MTMR6: variants seen among roughly 807,000 people sequenced by gnomAD.
MTMR6 encodes phosphatidylinositol-3,5-bisphosphate 3-phosphatase MTMR6.
Under a neutral mutation model 80.1 loss-of-function variants are expected in MTMR6, and 47 were observed. The ratio of observed to expected loss-of-function variants is 0.59; its 90% CI spans 0.46 to 0.75. MTMR6 has a LOEUF of 0.75. Among genes scored for constraint, MTMR6 ranks in the 30% least tolerant of loss-of-function variants. The pLI is 0.00. For missense variants in MTMR6, 629 were observed against 730.9 expected, an observed-to-expected ratio of 0.86 and a Z score of 1.61; for synonymous variants, 254 against 253.0, an observed-to-expected ratio of 1.00 and a Z score of -0.04.
In MTMR6 at chr13:25,249,241, C is replaced by T; in HGVS notation, c.1857G>A (p.Met619Ile). Residue 619 changes from methionine (M) to isoleucine (I), a missense_variant, in exon 14 of 14, where the codon ATG becomes ATA. Coordinates refer to ENST00000381801, the MANE Select transcript of MTMR6 (RefSeq NM_004685.5). ...AAAAAACTCTATGAGTCTAACAAGT[C>T]ATTCTTGCCACACCATACTCTAAGC... ...VVSLEYGVAR[M>I]TC 6.2e-7 allele frequency: 1 copy of T among 1,612,658 alleles called. No individual in the cohort carries two copies. The highest frequency in any genetic ancestry group is 8.5e-7 in the Non-Finnish European group (1 of 1,178,950).
At chr13:25,282,902 G>A (rs572293451) in intron 1 of MTMR6, among the ~76,000 whole-genome samples, 8 of 151,902 alleles carry the variant, frequency 5.3e-5, no homozygotes, top group South Asian at 4.2e-4. Context: ...CACCATGCCC[G>A]GCCTGCTTGT....
In MTMR6 at chr13:25,267,807, G is replaced by A; in HGVS notation, c.276C>T (p.Tyr92=). ...VPRERDCHDI[Y]NSLLQLSKQA... is the part of the protein sequence containing the mutation. Reference sequence around the variant, plus strand: ...GTTTTGACAGTTGTAGCAAAGAGTTGTAAATATCATGGCAATCTCTTTCTC... The same window carrying A: ...GTTTTGACAGTTGTAGCAAAGAGTTATAAATATCATGGCAATCTCTTTCTC... Residue 92 remains tyrosine, a synonymous_variant, in exon 3 of 14, where the codon TAC becomes TAT. Coordinates refer to ENST00000381801, the MANE Select transcript of MTMR6 (RefSeq NM_004685.5). 1 of 1,613,800 alleles carries A rather than the reference G, an allele frequency of 6.2e-7. No homozygotes were observed. The highest frequency in any genetic ancestry group is 8.5e-7 in the Non-Finnish European group (1 of 1,179,842).
chr13:25,287,110 G>A (rs142227597), intron 1 of MTMR6, 114 bp downstream of exon 1: 352 of 1,458,280 alleles, frequency 2.4e-4, no homozygotes, highest in Non-Finnish European at 3.1e-4. Context: ...CCCGGGCCGG[G>A]TCTCCGCCGG....
At chr13:25,260,681 T>A (rs918935938) in intron 6 of MTMR6, 2 of 1,264,096 alleles carry the variant, frequency 1.6e-6, no homozygotes, top group African/African-American at 1.6e-5. Flanking sequence ...CAGCTCTGCA[T>A]GCGACGCTAT....
chr13:25,269,802 T>A (rs1957532113), intron 2 of MTMR6, among the ~76,000 whole-genome samples: 1 of 152,026 alleles, frequency 6.6e-6, no homozygotes. Flanking sequence ...TAAAACTACA[T>A]AGAGAACAAA....
At chr13:25,277,503 G>GGT (rs950109182) in intron 1 of MTMR6, among the ~76,000 whole-genome samples, 11 of 152,110 alleles carry the variant, frequency 7.2e-5, no homozygotes, top group African/African-American at 2.7e-4. Context: ...AAAACCAGAA[G>GGT]GTGTGCCCAA....
chr13:25,257,062 T>C, intron 9 of MTMR6, 134 bp downstream of exon 9: 1 of 988,938 alleles, frequency 1.0e-6, no homozygotes, highest in Non-Finnish European at 1.5e-6. Context: ...GCAATATCCC[T>C]GGCCACTCCC....
chr13:25,270,361 A>G (rs1331164724), intron 2 of MTMR6, among the ~76,000 whole-genome samples: 1 of 152,210 alleles, frequency 6.6e-6, no homozygotes, highest in African/African-American at 2.4e-5. Flanking sequence ...AGTATATTAA[A>G]CAAACTTCAT....
Position 25,249,485 on chromosome 13 carries a change from T to C in MTMR6, c.1613A>G (p.Lys538Arg), listed in dbSNP as rs776283308. 1.9e-6 allele frequency: 3 copies of C among 1,610,956 alleles called. No individual in the cohort carries two copies. The highest frequency in any genetic ancestry group is 1.7e-6 in the Non-Finnish European group (2 of 1,177,632). The change falls in exon 14 of 14, where the codon AAA (lysine) becomes AGA (arginine). Residue 538 changes from lysine to arginine, a missense_variant. Lys to Arg is a conservative substitution (Grantham distance 26). Transcript: ENST00000381801. ...KDIKDLESKIKQRKNKQTDGI... is the reference protein window; with the variant it reads ...KDIKDLESKIRQRKNKQTDGI... ...ATCTGTTTGCTTATTTTTGCGTTGT[T>C]TAATTTTCTAGAACAAACACAAATT...
At chr13:25,274,939 G>GACAGACAGAC (rs141646990) in intron 1 of MTMR6, among the ~76,000 whole-genome samples, 3 of 42,968 alleles carry the variant, frequency 7.0e-5, no homozygotes, top group African/African-American at 1.7e-4. Flanking sequence ...CTAGTAGACA[G>GACAGACAGAC]ACACACACAC....
rs750202009 is a variant in MTMR6, at chr13:25,251,995, T to C, written c.1347-11A>G. The C allele has an allele frequency of 1.2e-6, 2 of 1,605,206 alleles. No homozygotes were observed. Among genetic ancestry groups the C allele is most frequent in the Non-Finnish European group, 1.7e-6 (2 of 1,177,166 alleles). ...GTCTTCTCCTTCAACCTTAATATAA[T>C]GAGAAAAACACAGAGATCTTTCCTA... is the stretch of plus-strand genomic sequence containing the variant. On this transcript the variant is annotated splice_polypyrimidine_tract_variant and intron_variant, in intron 11 of 13. Coordinates refer to ENST00000381801, the MANE Select transcript of MTMR6 (RefSeq NM_004685.5). The surrounding 1 kb of genome is among the most constrained non-coding windows in gnomAD (Gnocchi z 4.1).
chr13:25,273,595 G>A (rs969904455), intron 2 of MTMR6, among the ~76,000 whole-genome samples: 2 of 148,486 alleles, frequency 1.3e-5, no homozygotes, highest in African/African-American at 5.0e-5. Context: ...GCGCGATCTC[G>A]GCTCACTGCA....
chr13:25,268,023 C>T (rs1003553050), intron 2 of MTMR6, 82 bp from the exon 3 acceptor site: 1 of 1,373,288 alleles, frequency 7.3e-7, no homozygotes, highest in African/African-American at 1.5e-5. Flanking sequence ...TTAAGAATGT[C>T]TTCCTCAAAA....
At chr13:25,259,756 CTAA>C (rs1957290735) in intron 6 of MTMR6, among the ~76,000 whole-genome samples, 1 of 152,102 alleles carries the variant, frequency 6.6e-6, no homozygotes, top group Non-Finnish European at 1.5e-5. Flanking sequence ...CCTTTTATAT[CTAA>C]TATTATCAAA....
rs1413632727 is a variant in MTMR6 at position 25,246,362 on chromosome 13, G to A, written c.*2870C>T. ...TTTCTTCTAGATGTAAGTTCCTAAAGCTTATAGTTTACATTGATATCTAGA... is the reference window on the plus strand; with the variant it reads ...TTTCTTCTAGATGTAAGTTCCTAAAACTTATAGTTTACATTGATATCTAGA... On this transcript the variant is annotated 3_prime_UTR_variant, in exon 14 of 14. Transcript: ENST00000381801. 2 of 152,402 alleles carry A rather than the reference G, an allele frequency of 1.3e-5. No homozygotes were observed. The highest frequency in any genetic ancestry group is 1.3e-4 in the Admixed American group (2 of 15,264). 9.4% of individuals were successfully genotyped at this position (152,402 alleles called of 1,614,324 possible). A position where few individuals can be genotyped will look rare whatever the true frequency, so the allele number is the denominator to read the frequency against.
intron 11 of MTMR6, among the ~76,000 whole-genome samples, chr13:25,253,201 C>T (rs915997085): frequency 2.0e-5 from 3 of 152,152 alleles, no homozygotes; most frequent in African/African-American, 7.2e-5. Flanking sequence ...TGAGACCCTA[C>T]TCAAGGACGG....
At position 25,281,297 on chromosome 13, in the gene MTMR6, A is replaced by G. The variant is rs1379828863; in HGVS notation, c.24+5927T>C. 2.0e-5 allele frequency among the ~76,000 whole-genome samples: 3 copies of G among 152,068 alleles called. No homozygotes were observed. In the East Asian group the frequency reaches 5.8e-4, roughly 29 times the overall value. On this transcript the variant is annotated intron_variant, in intron 1 of 13. Coordinates refer to ENST00000381801, the MANE Select transcript of MTMR6 (RefSeq NM_004685.5). Reference sequence around the variant, plus strand: ...GGCTGCAATGAGTTATGATCATACCACTGCACTCCAGCCTAGGTGACAGAG... The same window carrying G: ...GGCTGCAATGAGTTATGATCATACCGCTGCACTCCAGCCTAGGTGACAGAG...
Position 25,249,367 on chromosome 13 carries a change from G to A in MTMR6, c.1731C>T (p.Pro577=), listed in dbSNP as rs540440446. The change falls in exon 14 of 14, where the codon CCC becomes CCT. Residue 577 remains proline (P), a synonymous_variant. Coordinates refer to ENST00000381801, the MANE Select transcript of MTMR6 (RefSeq NM_004685.5). ...CTATAGTTCGAAGAGCATCATTTACGGGTAGCAGAGTCTGCTCTTTAAAAC... is the reference window on the plus strand; with the variant it reads ...CTATAGTTCGAAGAGCATCATTTACAGGTAGCAGAGTCTGCTCTTTAAAAC... The part of the protein sequence containing the change: ...SLCFKEQTLL[P]VNDALRTIEG... 1.7e-5 allele frequency: 28 copies of A among 1,614,108 alleles called. No homozygotes were observed. Among genetic ancestry groups the A allele is most frequent in the African/African-American group, 5.3e-5 (4 of 75,026 alleles).
rs1163889870 is a variant in MTMR6 at position 25,246,601 on chromosome 13, T to C, written c.*2631A>G. ...CAATGGCAAAAGCCCCAATTACTTT[T>C]GCAGCAACTATATAGTTTTATAAAT... is the stretch of plus-strand genomic sequence containing the variant. On this transcript the variant is annotated 3_prime_UTR_variant, in exon 14 of 14. Transcript: ENST00000381801. 1.3e-5 allele frequency: 2 copies of C among 152,660 alleles called. No homozygotes were observed. 9.5% of individuals were successfully genotyped at this position (152,660 alleles called of 1,614,324 possible).
Sources: allele counts gnomAD v4.1 joint callset (sites outside exome capture counted in the v4.1 genomes callset), GRCh38; gene constraint gnomAD v4.1.1; non-coding constraint Gnocchi (gnomAD v3.1); transcripts MANE v1.5; gene names NCBI Gene and HGNC (gene_info 2026-07-23, HGNC 2026-07-21).